SPG21: variants seen among roughly 807,000 people sequenced by gnomAD.
SPG21 encodes the protein maspardin.
SPG21 carries 26 observed loss-of-function variants against 38.9 expected under a neutral mutation model. That is an observed-to-expected ratio of 0.67 (90% CI 0.49 to 0.93). SPG21 has a LOEUF of 0.93. SPG21 is among the 40% of genes least tolerant of loss of function. The pLI is 0.00. For missense variants in SPG21, 333 were observed against 376.5 expected, an observed-to-expected ratio of 0.88 and a Z score of 0.96; for synonymous variants, 136 against 128.9, an observed-to-expected ratio of 1.05 and a Z score of -0.37.
At chr15:64,974,504 TAGA>T in intron 5 of SPG21, 95 bp downstream of exon 5, 1 of 1,422,514 alleles carries the variant, frequency 7.0e-7, no homozygotes, top group African/African-American at 1.4e-5. Context: ...TTGCAGAATA[TAGA>T]AGTAGATATA....
chr15:64,977,443 A>G (rs1363654495), intron 3 of SPG21, among the ~76,000 whole-genome samples: 1 of 151,606 alleles, frequency 6.6e-6, no homozygotes, highest in Non-Finnish European at 1.5e-5. Flanking sequence ...CACTGCAGCC[A>G]CAACCTCTTG....
At chr15:64,986,899 T>C (rs1242298926) in intron 1 of SPG21, among the ~76,000 whole-genome samples, 1 of 152,188 alleles carries the variant, frequency 6.6e-6, no homozygotes, top group Non-Finnish European at 1.5e-5. Flanking sequence ...TTTCCTAGTA[T>C]TGCATTATTA....
Position 64,969,252 on chromosome 15 carries a change from T to C in SPG21, c.669+3A>G. The C allele has an allele frequency of 1.9e-6, 3 of 1,579,854 alleles. No individual in the cohort carries two copies. In the South Asian group the frequency reaches 3.3e-5, roughly 17 times the overall value. On this transcript the variant is annotated splice_donor_region_variant and intron_variant, in intron 7 of 8. Coordinates refer to ENST00000204566, the MANE Select transcript of SPG21 (RefSeq NM_016630.7). ...CAGCTATTTTACTTAAAAGGAAGCT[T>C]ACATCCATAATAGTTACAGGTATGT... is the stretch of plus-strand genomic sequence containing the variant.
intron 7 of SPG21, 84 bp downstream of exon 7, chr15:64,969,171 A>C (rs748343690): frequency 2.0e-6 from 2 of 993,806 alleles, no homozygotes; most frequent in Non-Finnish European, 3.2e-6. Context: ...AGGTACATTG[A>C]AAGTTATCAA....
Position 64,976,514 on chromosome 15 carries a change from AT to A in SPG21, c.266del (p.Asp89ValfsTer7), listed in dbSNP as rs746764609. On this transcript the variant is annotated frameshift_variant, in exon 4 of 9. Transcript: ENST00000204566. LOFTEE classifies it high-confidence loss of function. ...PVYWDHLEFC[D>X]GFRKLLDHLQ... ...AATGGTCTAAAAGTTTTCTGAATCC[AT>A]CACAGAACTCGAGATGGTCCCAATA... is the stretch of plus-strand genomic sequence containing the variant. The A allele has an allele frequency of 6.2e-7, 1 of 1,613,384 alleles. No homozygotes were observed. The highest frequency in any genetic ancestry group is 8.5e-7 in the Non-Finnish European group (1 of 1,179,418).
chr15:64,972,649 G>A (rs909679957), intron 5 of SPG21, among the ~76,000 whole-genome samples: 17 of 152,126 alleles, frequency 1.1e-4, no homozygotes, highest in African/African-American at 3.4e-4. Flanking sequence ...TGGTGAACAC[G>A]GTGAAACCCC....
At chr15:64,981,164 G>A in intron 2 of SPG21, 139 bp from the exon 3 acceptor site, 2 of 957,372 alleles carry the variant, frequency 2.1e-6, no homozygotes, top group Non-Finnish European at 3.1e-6. Context: ...CACCAGATTA[G>A]CATGCATGAC....
At position 64,983,489 on chromosome 15, in the gene SPG21, T is replaced by C. The variant is rs191335539; in HGVS notation, c.63+18A>G. ...TACAAGATTTTGCAAATAAGAGGTA[T>C]AGTAAAACCATACATACCTTTTTAA... On this transcript the variant is annotated intron_variant, in intron 2 of 8. Transcript: ENST00000204566. The C allele has an allele frequency of 1.1e-4, 172 of 1,544,774 alleles. No homozygotes were observed. In the African/African-American group the frequency reaches 1.9e-3, roughly 17 times the overall value.
Position 64,989,865 on chromosome 15 carries a change from G to GCCGCCGCGCTCCCCCCGCCCAA in SPG21, c.-226_-225insTTGGGCGGGGGGAGCGCGGCGG, listed in dbSNP as rs2086082304. On this transcript the variant is annotated 5_prime_UTR_variant, in exon 1 of 9. Coordinates refer to ENST00000204566, the MANE Select transcript of SPG21 (RefSeq NM_016630.7). ...GGGGCGCGTGGCCGAGCGAGCTTGG[G>GCCGCCGCGCTCCCCCCGCCCAA]CCGCCGCGCTCCCCCCGCCCGACCG... 1 of 151,810 alleles carries GCCGCCGCGCTCCCCCCGCCCAA rather than the reference G, an allele frequency of 6.6e-6. No individual in the cohort carries two copies. The highest frequency in any genetic ancestry group is 2.4e-5 in the African/African-American group (1 of 41,216). The allele number at this position is 151,810 out of a possible 1,614,324, so 9.4% of individuals were successfully genotyped here. A position where few individuals can be genotyped will look rare whatever the true frequency, so the allele number is the denominator to read the frequency against.
chr15:64,983,357 G>T (rs2140447884), intron 2 of SPG21, 150 bp downstream of exon 2: 1 of 623,042 alleles, frequency 1.6e-6, no homozygotes, highest in Middle Eastern at 3.0e-4. Flanking sequence ...TACATGACAG[G>T]GAAGGAGTGA....
At chr15:64,970,431 T>C (rs1257789006) in intron 5 of SPG21, among the ~76,000 whole-genome samples, 2 of 152,200 alleles carry the variant, frequency 1.3e-5, no homozygotes, top group Non-Finnish European at 2.9e-5. Flanking sequence ...TATTTGAGGA[T>C]TTAGGATAAT....
chr15:64,977,984 G>C (rs1326906075), intron 3 of SPG21, among the ~76,000 whole-genome samples: 1 of 151,778 alleles, frequency 6.6e-6, no homozygotes, highest in East Asian at 2.0e-4. Context: ...CACCACACCC[G>C]ACTAATTTTT....
At position 64,965,935 on chromosome 15, in the gene SPG21, CA is replaced by C. The variant is rs1300812920; in HGVS notation, c.670-476del. ...CAGGCTGGTCTCAAACTCCTGACCT[CA>C]GGTGATCTGCCCACCTCGGCCTCCC... On this transcript the variant is annotated intron_variant, in intron 7 of 8. Transcript: ENST00000204566. Among the ~76,000 whole-genome samples, 5 of 152,078 alleles carry C rather than the reference CA, an allele frequency of 3.3e-5. No individual in the cohort carries two copies. In the East Asian group the frequency reaches 9.6e-4, roughly 29 times the overall value.
At chr15:64,982,094 A>T (rs1356660945) in intron 2 of SPG21, among the ~76,000 whole-genome samples, 1 of 145,382 alleles carries the variant, frequency 6.9e-6, no homozygotes, top group African/African-American at 2.5e-5. Flanking sequence ...TCTCACGCTC[A>T]TGTTTTTGTC....
chr15:64,988,806 C>A (rs2086053594), intron 1 of SPG21: 1 of 152,156 alleles, frequency 6.6e-6, no homozygotes, highest in Non-Finnish European at 1.5e-5. Context: ...CACGGTGAAA[C>A]CCCGTCTCTA....
chr15:64,977,824 CT>C (rs771768926), intron 3 of SPG21, among the ~76,000 whole-genome samples: 1 of 151,476 alleles, frequency 6.6e-6, no homozygotes, highest in East Asian at 2.0e-4. Context: ...CTAAGAATTC[CT>C]TTTTTTTGTT....
intron 3 of SPG21, among the ~76,000 whole-genome samples, chr15:64,980,332 C>G (rs947739595): frequency 6.6e-6 from 1 of 152,160 alleles, no homozygotes; most frequent in Non-Finnish European, 1.5e-5. Flanking sequence ...GAGAGGCTGC[C>G]AAAAGAGGTT....
chr15:64,978,336 C>T (rs1261375287), intron 3 of SPG21, among the ~76,000 whole-genome samples: 1 of 151,924 alleles, frequency 6.6e-6, no homozygotes, highest in East Asian at 2.0e-4. Context: ...GTAATCCCAG[C>T]TACTGGGGAA....
chr15:64,986,168 C>T (rs552829350), intron 1 of SPG21, among the ~76,000 whole-genome samples: 3 of 149,760 alleles, frequency 2.0e-5, no homozygotes, highest in South Asian at 2.1e-4. Flanking sequence ...GAGTTCAAGA[C>T]CAGCCTAGCC....
Sources: gnomAD v4.1 joint callset for allele counts (sites outside exome capture counted in the v4.1 genomes callset) on GRCh38, gnomAD v4.1.1 for gene constraint, MANE v1.5 for transcripts, NCBI Gene and HGNC (gene_info 2026-07-23, HGNC 2026-07-21) for gene names.